CHODL: variants seen among roughly 807,000 people sequenced by gnomAD.
The protein encoded by CHODL is chondrolectin, also known as transmembrane protein MT75.
A neutral mutation model predicts 34.5 loss-of-function variants in CHODL; 29 were observed. That is an observed-to-expected ratio of 0.84 (90% CI 0.63 to 1.15). CHODL has a LOEUF of 1.15. Among genes scored for constraint, CHODL ranks in the 50% most tolerant of loss-of-function variants. CHODL has a pLI of 0.00. For missense variants in CHODL, 332 were observed against 332.5 expected, an observed-to-expected ratio of 1.00 and a Z score of 0.01; for synonymous variants, 125 against 116.1, an observed-to-expected ratio of 1.08 and a Z score of -0.49.
rs3984979 is a variant in CHODL at position 18,094,742 on chromosome 21, C to CAAAA, written c.-45+66783_-45+66786dup. 4.7e-4 allele frequency among the ~76,000 whole-genome samples: 60 copies of CAAAA among 126,528 alleles called. 1 individual carries two copies. The highest frequency in any genetic ancestry group is 4.2e-3 in the Middle Eastern group (1 of 238). 83.0% of individuals were successfully genotyped at this position (126,528 alleles called of 152,430 possible). ...AATTTATAGCTATAAATGTCTACAT[C>CAAAA]AAAAAAAAAAAAAAAGCTTAAATAA... On this transcript the variant is annotated intron_variant, in intron 2 of 6. Coordinates refer to the CHODL transcript ENST00000400127.
intron 2 of CHODL, among the ~76,000 whole-genome samples, chr21:18,139,249 CTG>C (rs1275542429): frequency 1.3e-5 from 2 of 151,638 alleles, no homozygotes; most frequent in East Asian, 2.0e-4. Context: ...AAGCGGAAGA[CTG>C]TGATTTAGGG....
Position 18,215,328 on chromosome 21 carries a change from C to T in CHODL, c.-44-41181C>T, listed in dbSNP as rs370510721. Reference sequence around the variant, plus strand: ...ACAAACTTCCACCTCAGGAGATAGGCAATTGATCTTCTCCAGCATGAAAGC... The same window carrying T: ...ACAAACTTCCACCTCAGGAGATAGGTAATTGATCTTCTCCAGCATGAAAGC... On this transcript the variant is annotated intron_variant, in intron 2 of 6. Transcript: ENST00000400127. 1.8e-4 allele frequency among the ~76,000 whole-genome samples: 28 copies of T among 152,252 alleles called. No homozygotes were observed. The East Asian group carries it at 3.7e-3, about 20-fold the overall frequency.
At chr21:17,933,051 C>T (rs1048210377) in intron 1 of CHODL, among the ~76,000 whole-genome samples, 1 of 152,182 alleles carries the variant, frequency 6.6e-6, no homozygotes, top group African/African-American at 2.4e-5. Flanking sequence ...TACACATAAA[C>T]ATCTCAATGC....
intron 2 of CHODL, among the ~76,000 whole-genome samples, chr21:18,144,617 C>T (rs746653840): frequency 9.2e-5 from 14 of 152,120 alleles, no homozygotes; most frequent in Non-Finnish European, 1.9e-4. Context: ...GCTCTCATAA[C>T]TCTCTATTTC....
At chr21:18,120,378 G>C (rs1289566458) in intron 2 of CHODL, among the ~76,000 whole-genome samples, 1 of 152,110 alleles carries the variant, frequency 6.6e-6, no homozygotes, top group Non-Finnish European at 1.5e-5. Flanking sequence ...GGTAGAAAAT[G>C]GAGAAATAAT....
At chr21:18,118,200 A>T (rs1409797772) in intron 2 of CHODL, among the ~76,000 whole-genome samples, 1 of 152,206 alleles carries the variant, frequency 6.6e-6, no homozygotes, top group Non-Finnish European at 1.5e-5. Context: ...TTCTGTCTTA[A>T]TTCGCTCAGT....
At chr21:17,939,860 A>G (rs2063348904) in intron 1 of CHODL, among the ~76,000 whole-genome samples, 1 of 152,240 alleles carries the variant, frequency 6.6e-6, no homozygotes, top group South Asian at 2.1e-4. Context: ...TCTTAAGGCA[A>G]TAAAACGTTC....
intron 2 of CHODL, among the ~76,000 whole-genome samples, chr21:18,226,276 G>C (rs1049193115): frequency 3.3e-5 from 5 of 152,120 alleles, no homozygotes; most frequent in African/African-American, 1.2e-4. Context: ...GATAAAATGA[G>C]TCATGATTGA....
At chr21:18,077,175 C>T (rs1462806220) in intron 2 of CHODL, among the ~76,000 whole-genome samples, 2 of 152,130 alleles carry the variant, frequency 1.3e-5, no homozygotes, top group Non-Finnish European at 2.9e-5. Flanking sequence ...GGATCTGTCA[C>T]TCATTTCTTC....
In CHODL at chr21:17,993,924, C is replaced by A. The variant is rs1475206806; in HGVS notation, c.-144-33948C>A. Among the ~76,000 whole-genome samples, 4 of 152,142 alleles carry A rather than the reference C, an allele frequency of 2.6e-5. No individual in the cohort carries two copies. In the East Asian group the frequency reaches 5.8e-4, roughly 22 times the overall value. On this transcript the variant is annotated intron_variant, in intron 1 of 6. Coordinates refer to the CHODL transcript ENST00000400127. ...GCTTTTCATAATAGTTTCTAGTGAT[C>A]CTTTGCTTTTCTGTGGTATCAGTTA...
chr21:18,030,609 A>G (rs1200575164), intron 2 of CHODL, among the ~76,000 whole-genome samples: 1 of 152,164 alleles, frequency 6.6e-6, no homozygotes, highest in Non-Finnish European at 1.5e-5. Context: ...CTGTTTAAGT[A>G]AACTAGATTA....
At chr21:18,095,074 A>G (rs1018500670) in intron 2 of CHODL, among the ~76,000 whole-genome samples, 2 of 152,032 alleles carry the variant, frequency 1.3e-5, no homozygotes, top group Non-Finnish European at 2.9e-5. Flanking sequence ...CAGTGAGTCA[A>G]GATCACACCA....
At chr21:18,202,148 T>C (rs1029218828) in intron 2 of CHODL, among the ~76,000 whole-genome samples, 1 of 152,224 alleles carries the variant, frequency 6.6e-6, no homozygotes, top group Non-Finnish European at 1.5e-5. Flanking sequence ...CCATGTAAGC[T>C]TCTTTCAATT....
chr21:18,048,616 G>A (rs1178201965), intron 2 of CHODL, among the ~76,000 whole-genome samples: 1 of 151,936 alleles, frequency 6.6e-6, no homozygotes, highest in African/African-American at 2.4e-5. Flanking sequence ...AACTTGGCAA[G>A]ATTTTGAAAA....
rs569957366 is a variant in CHODL at position 18,153,989 on chromosome 21, A to G, written c.-44-102520A>G. ...TCTTACTGGAGTTTCTTGGCCATCG[A>G]CCTCCAGCCAGAAGGAAGAGAGAGA... On this transcript the variant is annotated intron_variant, in intron 2 of 6. Transcript: ENST00000400127. Among the ~76,000 whole-genome samples the G allele has an allele frequency of 1.9e-4, 29 of 152,066 alleles. No individual in the cohort carries two copies. The South Asian group carries it at 5.6e-3, about 29-fold the overall frequency.
chr21:18,170,731 A>G (rs1345416426), intron 2 of CHODL, among the ~76,000 whole-genome samples: 1 of 152,190 alleles, frequency 6.6e-6, no homozygotes, highest in East Asian at 1.9e-4. Flanking sequence ...GACTTTATAC[A>G]TTATAAATCC....
chr21:18,219,782 T>C (rs1278071968), intron 2 of CHODL, among the ~76,000 whole-genome samples: 1 of 152,060 alleles, frequency 6.6e-6, no homozygotes, highest in Non-Finnish European at 1.5e-5. Context: ...AGTTGTATTT[T>C]TTTTTTTGCT....
intron 1 of CHODL, among the ~76,000 whole-genome samples, chr21:17,988,624 C>T (rs553992775): frequency 2.4e-5 from 3 of 124,286 alleles, no homozygotes; most frequent in Non-Finnish European, 3.3e-5. Flanking sequence ...GTTCAATTCC[C>T]ACCTATGAGT....
At chr21:18,027,262 A>C (rs900546901) in intron 1 of CHODL, among the ~76,000 whole-genome samples, 1 of 152,166 alleles carries the variant, frequency 6.6e-6, no homozygotes, top group Non-Finnish European at 1.5e-5. Context: ...TGACAGAGTA[A>C]GACCCTGTCT....
Sources: gnomAD v4.1 joint callset for allele counts (sites outside exome capture counted in the v4.1 genomes callset) on GRCh38, gnomAD v4.1.1 for gene constraint, MANE v1.5 for transcripts, NCBI Gene and HGNC (gene_info 2026-07-23, HGNC 2026-07-21) for gene names.